Variants in GABRG2 observed in about 807,000 individuals in gnomAD.
GABRG2 encodes the protein gamma-aminobutyric acid type A receptor subunit gamma2.
In GABRG2, 16 loss-of-function variants were observed where a neutral mutation model predicts 56.4. The observed-to-expected ratio is 0.28, with a 90% CI of 0.19 to 0.43. GABRG2 has a LOEUF of 0.43. Among genes scored for constraint, GABRG2 ranks in the 20% least tolerant of loss-of-function variants. GABRG2 has a pLI of 1.00. For missense variants in GABRG2, 327 were observed against 582.7 expected (o/e 0.56, Z 4.52); for synonymous variants, 208 against 205.5 (o/e 1.01, Z -0.10).
At chr5:162,137,774 G>A (rs1281548157) in intron 6 of GABRG2, among the ~76,000 whole-genome samples, 2 of 151,342 alleles carry the variant, frequency 1.3e-5, no homozygotes, top group African/African-American at 2.4e-5. Context: ...CACCCACACT[G>A]GAGTGCAGGA....
In GABRG2 at chr5:162,097,855, T is replaced by C; in HGVS notation, c.545T>C (p.Leu182Pro). ...AATGATGGTCGAGTGCTCTACACCC[T>C]AAGGTATTCTTTTGCAAAAGGAAAG... is the stretch of plus-strand genomic sequence containing the variant. ...IWNDGRVLYT[L>P]RLTIDAECQL... The change falls in exon 4 of 10, where the codon CTA becomes CCA. Residue 182 changes from leucine to proline, a missense_variant. Transcript: ENST00000639213. The C allele has an allele frequency of 6.2e-7, 1 of 1,611,760 alleles. No individual in the cohort carries two copies. Among genetic ancestry groups the C allele is most frequent in the Non-Finnish European group, 8.5e-7 (1 of 1,178,602 alleles).
At chr5:162,115,987 A>T (rs1308785905) in intron 6 of GABRG2, among the ~76,000 whole-genome samples, 1 of 152,064 alleles carries the variant, frequency 6.6e-6, no homozygotes, top group Non-Finnish European at 1.5e-5. Flanking sequence ...CCTTGTAGAA[A>T]AGTTGACAGA....
chr5:162,095,955 C>A (rs921674071), intron 3 of GABRG2, among the ~76,000 whole-genome samples: 8 of 151,948 alleles, frequency 5.3e-5, no homozygotes, highest in Non-Finnish European at 1.2e-4. Flanking sequence ...AAATGTAATT[C>A]TGTTCTTATG....
intron 6 of GABRG2, among the ~76,000 whole-genome samples, chr5:162,132,658 C>A (rs1474484895): frequency 1.3e-5 from 2 of 152,016 alleles, no homozygotes; most frequent in African/African-American, 4.8e-5. Flanking sequence ...ATCCCATTTT[C>A]TCTATTAAAG....
intron 7 of GABRG2, among the ~76,000 whole-genome samples, chr5:162,143,370 C>T (rs944725505): frequency 6.6e-6 from 1 of 152,056 alleles, no homozygotes; most frequent in Non-Finnish European, 1.5e-5. Context: ...GGGGGAAAAG[C>T]GACTCTTAAG....
At chr5:162,137,442 A>T (rs1764217768) in intron 6 of GABRG2, among the ~76,000 whole-genome samples, 1 of 152,200 alleles carries the variant, frequency 6.6e-6, no homozygotes, top group African/African-American at 2.4e-5. Context: ...TCAATCTGAC[A>T]GGCTAAAAAT....
intron 9 of GABRG2, chr5:162,152,578 A>T: frequency 3.6e-6 from 1 of 279,408 alleles, no homozygotes; most frequent in Non-Finnish European, 7.2e-6. Context: ...TGTGGTATAC[A>T]ATCAGGAAAA....
At chr5:162,097,400 C>T (rs1233134671) in intron 3 of GABRG2, among the ~76,000 whole-genome samples, 1 of 152,250 alleles carries the variant, frequency 6.6e-6, no homozygotes, top group South Asian at 2.1e-4. Context: ...TCAAGGCTAT[C>T]CTCTTTTGCC....
intron 1 of GABRG2, among the ~76,000 whole-genome samples, chr5:162,088,904 TCTC>T (rs1353732316): frequency 6.6e-6 from 1 of 152,094 alleles, no homozygotes; most frequent in Non-Finnish European, 1.5e-5. Flanking sequence ...TATTATGACT[TCTC>T]CGAGGAAAAC....
intron 6 of GABRG2, among the ~76,000 whole-genome samples, chr5:162,112,123 T>A (rs924850120): frequency 5.3e-5 from 8 of 152,164 alleles, no homozygotes; most frequent in African/African-American, 1.7e-4. Flanking sequence ...GAATCCAGTG[T>A]ATTTGTGAAA....
intron 6 of GABRG2, among the ~76,000 whole-genome samples, chr5:162,115,501 T>C (rs1407444203): frequency 6.6e-6 from 1 of 152,104 alleles, no homozygotes; most frequent in African/African-American, 2.4e-5. Flanking sequence ...ATAGAGATGG[T>C]TGATAAGTTA....
intron 6 of GABRG2, among the ~76,000 whole-genome samples, chr5:162,137,554 T>C (rs1169955663): frequency 6.6e-6 from 1 of 152,182 alleles, no homozygotes; most frequent in African/African-American, 2.4e-5. Context: ...TTAGCTTAGT[T>C]AAAAATTTAG....
intron 1 of GABRG2, among the ~76,000 whole-genome samples, chr5:162,074,269 G>A (rs552372590): frequency 6.6e-6 from 1 of 152,004 alleles, no homozygotes; most frequent in East Asian, 1.9e-4. Context: ...AAAAATCATT[G>A]TATAACTCTG....
chr5:162,111,549 C>A (rs571858436), intron 6 of GABRG2, among the ~76,000 whole-genome samples: 2 of 152,218 alleles, frequency 1.3e-5, no homozygotes, highest in African/African-American at 4.8e-5. Context: ...TAGAGATGAA[C>A]TGAGGTTGGG....
intron 1 of GABRG2, among the ~76,000 whole-genome samples, chr5:162,087,970 G>T (rs1354918893): frequency 6.6e-6 from 1 of 152,048 alleles, no homozygotes; most frequent in African/African-American, 2.4e-5. Context: ...TTTTAAGTAG[G>T]ACAATTTGTT....
At chr5:162,119,105 G>T (rs1762816428) in intron 6 of GABRG2, among the ~76,000 whole-genome samples, 1 of 152,006 alleles carries the variant, frequency 6.6e-6, no homozygotes, top group African/African-American at 2.4e-5. Flanking sequence ...AATATAGGAT[G>T]AAAGACAATT....
intron 1 of GABRG2, among the ~76,000 whole-genome samples, chr5:162,088,081 A>G (rs1173367864): frequency 2.0e-5 from 3 of 152,222 alleles, no homozygotes; most frequent in East Asian, 1.9e-4. Flanking sequence ...CAGGTTCTGC[A>G]TAGAGAATTT....
chr5:162,106,500 T>C (rs1761837505), intron 6 of GABRG2, among the ~76,000 whole-genome samples: 2 of 152,182 alleles, frequency 1.3e-5, no homozygotes, highest in Admixed American at 1.3e-4. Flanking sequence ...CGATATTTGC[T>C]TGATTTTTGA....
At chr5:162,138,153 A>ACT (rs1187317751) in intron 6 of GABRG2, among the ~76,000 whole-genome samples, 1 of 152,156 alleles carries the variant, frequency 6.6e-6, no homozygotes, top group Non-Finnish European at 1.5e-5. Flanking sequence ...TATACTTGAC[A>ACT]AAGCTTTTTC....
Sources: allele counts gnomAD v4.1 joint callset (sites outside exome capture counted in the v4.1 genomes callset), GRCh38; gene constraint gnomAD v4.1.1; transcripts MANE v1.5; gene names NCBI Gene and HGNC (gene_info 2026-07-23, HGNC 2026-07-21).